Variants in MMAB observed in about 807,000 individuals in gnomAD.
MMAB encodes metabolism of cobalamin associated B, also known as corrinoid adenosyltransferase MMAB.
MMAB carries 17 observed loss-of-function variants against 30.6 expected under a neutral mutation model. The ratio of observed to expected loss-of-function variants is 0.56; its 90% CI spans 0.38 to 0.83. The LOEUF is 0.83. MMAB is among the 40% of genes least tolerant of loss of function. MMAB has a pLI of 0.00. For missense variants in MMAB, 311 were observed against 331.6 expected (o/e 0.94, Z 0.48); for synonymous variants, 134 against 138.6 (o/e 0.97, Z 0.23).
chr12:109,560,960 C>T (rs1884168762), intron 7 of MMAB, 80 bp downstream of exon 7: 1 of 1,060,746 alleles, frequency 9.4e-7, no homozygotes, highest in South Asian at 1.3e-5. Flanking sequence ...CATCTCCGTC[C>T]TCCTCTCCCT....
Position 109,573,390 on chromosome 12 carries a change from G to C in MMAB, c.91C>G (p.Arg31Gly), listed in dbSNP as rs142447736. Reference protein sequence around the residue: ...CFGAARLLYPRFQSRGPQGVE... With the variant: ...CFGAARLLYPGFQSRGPQGVE... ...CCCTGAGGGCCGCGGCTCTGGAAAC[G>C]GGGATACAGGAGCCTGGCGGCGCCG... The change falls in exon 1 of 9, where the codon CGT becomes GGT. Residue 31 changes from arginine to glycine, a missense_variant. Transcript: ENST00000545712. The C allele has an allele frequency of 6.2e-7, 1 of 1,612,422 alleles. No homozygotes were observed. Among genetic ancestry groups the C allele is most frequent in the Non-Finnish European group, 8.5e-7 (1 of 1,179,762 alleles).
At chr12:109,570,865 C>A (rs1485913511) in intron 2 of MMAB, among the ~76,000 whole-genome samples, 1 of 96,552 alleles carries the variant, frequency 1.0e-5, no homozygotes. Context: ...CAGAGTAAAA[C>A]CCTGTATCAA....
Position 109,555,835 on chromosome 12 carries a change from TAAG to T in MMAB, c.*1190_*1192del. ...ATGAAGGCAAAAATATGCACGTGAC[TAAG>T]AAGGTAATGTTTGCTGACTTGCCAG... On this transcript the variant is annotated 3_prime_UTR_variant, in exon 9 of 9. Coordinates refer to ENST00000545712, the MANE Select transcript of MMAB (RefSeq NM_052845.4). 2.2e-6 allele frequency: 1 copy of T among 454,018 alleles called. No individual in the cohort carries two copies. The highest frequency in any genetic ancestry group is 1.6e-5 in the South Asian group (1 of 64,476). The allele number at this position is 454,018 out of a possible 1,614,324, so 28.1% of individuals were successfully genotyped here.
In MMAB at chr12:109,573,462, C is replaced by G. The variant is rs1228648416; in HGVS notation, c.19G>C (p.Gly7Arg). Reference sequence around the variant, plus strand: ...CGGCTCCCCAGGCCAAGACGGCTCCCCAGGCCGCACACAGCCATGAGCCAG... The same window carrying G: ...CGGCTCCCCAGGCCAAGACGGCTCCGCAGGCCGCACACAGCCATGAGCCAG... MAVCGL[G>R]SRLGLGSRLG... is the part of the protein sequence containing the mutation. Residue 7 changes from glycine (G) to arginine (R), a missense_variant, in exon 1 of 9, where the codon GGG (glycine) becomes CGG (arginine). Gly to Arg is a moderately radical substitution (Grantham distance 125). Coordinates refer to ENST00000545712, the MANE Select transcript of MMAB (RefSeq NM_052845.4). The G allele has an allele frequency of 1.9e-6, 3 of 1,605,946 alleles. No homozygotes were observed. Among genetic ancestry groups the G allele is most frequent in the African/African-American group, 1.3e-5 (1 of 74,868 alleles).
At chr12:109,566,720 T>G (rs766287859) in intron 3 of MMAB, among the ~76,000 whole-genome samples, 1 of 152,248 alleles carries the variant, frequency 6.6e-6, no homozygotes, top group East Asian at 1.9e-4. Flanking sequence ...TGAGGTTCTC[T>G]GTTGAGCAGC....
Position 109,554,366 on chromosome 12 carries a change from A to C in MMAB, c.*2662T>G. The C allele has an allele frequency of 2.2e-6, 1 of 454,096 alleles. No individual in the cohort carries two copies. The highest frequency in any genetic ancestry group is 4.4e-6 in the Non-Finnish European group (1 of 226,786). The allele number at this position is 454,096 out of a possible 1,614,324, so 28.1% of individuals were successfully genotyped here. On this transcript the variant is annotated 3_prime_UTR_variant, in exon 9 of 9. Transcript: ENST00000545712. The stretch of plus-strand genomic sequence containing the variant: ...CAGCTTGTCTCTGGAAATGACACTA[A>C]ACACCCCATTCCAGGGAGCCTGACC...
Position 109,556,932 on chromosome 12 carries a change from G to A in MMAB, c.*96C>T. On this transcript the variant is annotated 3_prime_UTR_variant, in exon 9 of 9. Transcript: ENST00000545712. ...AAAAGGCTGCTTTGAGCCTCTCTGG[G>A]TGAGCTCTTCAGGAACCAGGACCCC... 1 of 809,906 alleles carries A rather than the reference G, an allele frequency of 1.2e-6. No individual in the cohort carries two copies. The highest frequency in any genetic ancestry group is 1.4e-5 in the South Asian group (1 of 72,322). The allele number at this position is 809,906 out of a possible 1,614,324, so 50.2% of individuals were successfully genotyped here. A position where few individuals can be genotyped will look rare whatever the true frequency, so the allele number is the denominator to read the frequency against.
chr12:109,566,733 C>T (rs982576065), intron 3 of MMAB, among the ~76,000 whole-genome samples: 1 of 152,246 alleles, frequency 6.6e-6, no homozygotes, highest in Non-Finnish European at 1.5e-5. Context: ...TGAGCAGCGC[C>T]TCGCACTGCA....
chr12:109,572,634 C>A lies in MMAB; in HGVS notation c.134+713G>T, dbSNP rs568228082. On this transcript the variant is annotated intron_variant, in intron 1 of 8. Transcript: ENST00000545712. ...GCAGTGGCATGATCATAGCTCACTG[C>A]AGCCTTGAACTCCTGAGCTCAAGTG... Among the ~76,000 whole-genome samples, 18 of 151,890 alleles carry A rather than the reference C, an allele frequency of 1.2e-4. 1 individual carries two copies. In the East Asian group the frequency reaches 3.3e-3, roughly 28 times the overall value.
intron 4 of MMAB, among the ~76,000 whole-genome samples, chr12:109,564,507 G>T (rs1191315595): frequency 6.7e-6 from 1 of 149,518 alleles, no homozygotes; most frequent in Non-Finnish European, 1.5e-5. Context: ...CCTCAGCCTT[G>T]TAAGTTGCTG....
rs747142605 is a variant in MMAB at position 109,573,397 on chromosome 12, C to A, written c.84G>T (p.Leu28=). 1 of 1,612,016 alleles carries A rather than the reference C, an allele frequency of 6.2e-7. No individual in the cohort carries two copies. Among genetic ancestry groups the A allele is most frequent in the South Asian group, 1.1e-5 (1 of 90,936 alleles). ...LRGCFGAARL[L]YPRFQSRGPQ... ...GGCCGCGGCTCTGGAAACGGGGATA[C>A]AGGAGCCTGGCGGCGCCGAAGCACC... The change falls in exon 1 of 9, where the codon CTG becomes CTT. Residue 28 remains leucine, a synonymous_variant. Coordinates refer to ENST00000545712, the MANE Select transcript of MMAB (RefSeq NM_052845.4).
rs11836136 is a variant in MMAB at position 109,568,707 on chromosome 12, A to G, written c.290+63T>C. The G allele has an allele frequency of 0.28, 348,624 of 1,264,804 alleles. 50,646 individuals carry two copies. The highest frequency in any genetic ancestry group is 0.44 in the African/African-American group (30,052 of 67,666). 78.3% of individuals were successfully genotyped at this position (1,264,804 alleles called of 1,614,324 possible). A position where few individuals can be genotyped will look rare whatever the true frequency, so the allele number is the denominator to read the frequency against. ...TGCCCAGCATGCGTGAGAGCTTCAC[A>G]TTCATTACGTTTACTCATACTCGAC... On this transcript the variant is annotated intron_variant, in intron 3 of 8. Coordinates refer to ENST00000545712, the MANE Select transcript of MMAB (RefSeq NM_052845.4).
chr12:109,558,992 C>T lies in MMAB; in HGVS notation c.644+104G>A, dbSNP rs552672310. 77 of 830,980 alleles carry T rather than the reference C, an allele frequency of 9.3e-5. No individual in the cohort carries two copies. The highest frequency in any genetic ancestry group is 3.4e-4 in the Admixed American group (18 of 52,972). 51.5% of individuals were successfully genotyped at this position (830,980 alleles called of 1,614,324 possible). A position where few individuals can be genotyped will look rare whatever the true frequency, so the allele number is the denominator to read the frequency against. On this transcript the variant is annotated intron_variant, in intron 8 of 8. Coordinates refer to ENST00000545712, the MANE Select transcript of MMAB (RefSeq NM_052845.4). This position sits in a 1 kb window ranked among gnomAD's most constrained non-coding sequence, Gnocchi z 4.3. Reference sequence around the variant, plus strand: ...CACTAAGGGAATGAAGGAGGGGGTGCGGGAATGCTGCCCCACACTGCTTCC... The same window carrying T: ...CACTAAGGGAATGAAGGAGGGGGTGTGGGAATGCTGCCCCACACTGCTTCC...
chr12:109,573,238 C>T lies in MMAB; in HGVS notation c.134+109G>A. The T allele has an allele frequency of 2.1e-6, 3 of 1,439,936 alleles. No homozygotes were observed. The South Asian group carries it at 3.6e-5, about 17-fold the overall frequency. 89.2% of individuals were successfully genotyped at this position (1,439,936 alleles called of 1,614,324 possible). ...TGGTGACGTCAGAACAGCGTGGAGA[C>T]GTCACCTGACGGTTGCCGCGGTGAC... is the stretch of plus-strand genomic sequence containing the variant. On this transcript the variant is annotated intron_variant, in intron 1 of 8. Coordinates refer to ENST00000545712, the MANE Select transcript of MMAB (RefSeq NM_052845.4).
At chr12:109,570,953 T>A (rs750566771) in intron 2 of MMAB, among the ~76,000 whole-genome samples, 47 of 151,804 alleles carry the variant, frequency 3.1e-4, no homozygotes, top group Admixed American at 5.9e-4. Context: ...TCTAGCATTT[T>A]AAAAACTATT....
intron 4 of MMAB, among the ~76,000 whole-genome samples, chr12:109,563,651 C>T (rs1197622454): frequency 1.3e-5 from 2 of 152,256 alleles, no homozygotes; most frequent in African/African-American, 2.4e-5. Flanking sequence ...TGCGACCCAA[C>T]GCGTACAGCA....
At position 109,554,624 on chromosome 12, in the gene MMAB, T is replaced by C. The variant is rs1162077321; in HGVS notation, c.*2404A>G. 2.2e-6 allele frequency: 1 copy of C among 454,118 alleles called. No individual in the cohort carries two copies. Among genetic ancestry groups the C allele is most frequent in the East Asian group, 6.9e-5 (1 of 14,392 alleles). 28.1% of individuals were successfully genotyped at this position (454,118 alleles called of 1,614,324 possible). On this transcript the variant is annotated 3_prime_UTR_variant, in exon 9 of 9. Coordinates refer to ENST00000545712, the MANE Select transcript of MMAB (RefSeq NM_052845.4). The stretch of plus-strand genomic sequence containing the variant: ...AGAGTTGCCAGTGGTGTGCAAACAC[T>C]GGGGCAGCGGGGGCTTCGCAGTCAC...
chr12:109,568,333 C>A, intron 3 of MMAB: 1 of 204,044 alleles, frequency 4.9e-6, no homozygotes, highest in South Asian at 8.8e-5. Context: ...TGTCTGTGAT[C>A]ACAGCATGAC....
chr12:109,573,282 A>T (rs1884724992), intron 1 of MMAB, 65 bp downstream of exon 1: 1 of 1,601,230 alleles, frequency 6.2e-7, no homozygotes, highest in African/African-American at 1.3e-5. Context: ...GGTGTGACGT[A>T]CCCATGGCGA....
Sources: gnomAD v4.1 joint callset for allele counts (sites outside exome capture counted in the v4.1 genomes callset) on GRCh38, gnomAD v4.1.1 for gene constraint, Gnocchi (gnomAD v3.1) non-coding constraint, MANE v1.5 for transcripts, NCBI Gene and HGNC (gene_info 2026-07-23, HGNC 2026-07-21) for gene names.